CADPS2: variants seen among roughly 807,000 people sequenced by gnomAD.
CADPS2 encodes the protein calcium dependent secretion activator 2.
CADPS2 carries 93 observed loss-of-function variants against 172.5 expected under a neutral mutation model. That is an observed-to-expected ratio of 0.54 (90% CI 0.46 to 0.64). CADPS2 has a LOEUF of 0.64. CADPS2 is among the 30% of genes least tolerant of loss of function. The pLI is 0.00. For missense variants in CADPS2, 1,420 were observed against 1,565.9 expected (o/e 0.91, Z 1.57); for synonymous variants, 546 against 555.2 (o/e 0.98, Z 0.23).
chr7:122,764,382 ACTAT>A (rs761567158), intron 1 of CADPS2, among the ~76,000 whole-genome samples: 6 of 152,182 alleles, frequency 3.9e-5, no homozygotes, highest in South Asian at 2.1e-4. Flanking sequence ...TAGACACATA[ACTAT>A]CTGACAAATA....
chr7:122,838,667 TC>T (rs1809364543), intron 1 of CADPS2, among the ~76,000 whole-genome samples: 1 of 152,104 alleles, frequency 6.6e-6, no homozygotes, highest in South Asian at 2.1e-4. Flanking sequence ...ATGAGTGAAC[TC>T]CCATTCACAA....
intron 6 of CADPS2, among the ~76,000 whole-genome samples, chr7:122,584,971 A>T (rs2069427434): frequency 6.6e-6 from 1 of 151,938 alleles, no homozygotes; most frequent in Admixed American, 6.6e-5. Context: ...CATTATGGGT[A>T]CATTATTGTA....
chr7:122,715,508 C>A (rs953210718), intron 2 of CADPS2, among the ~76,000 whole-genome samples: 1 of 151,990 alleles, frequency 6.6e-6, no homozygotes, highest in Non-Finnish European at 1.5e-5. Flanking sequence ...CTGCCTATGC[C>A]TTAAAAACAT....
chr7:122,724,119 T>C (rs2090821331), intron 2 of CADPS2, among the ~76,000 whole-genome samples: 1 of 152,002 alleles, frequency 6.6e-6, no homozygotes. Flanking sequence ...ATGACACATG[T>C]ATTCATATGT....
intron 2 of CADPS2, among the ~76,000 whole-genome samples, chr7:122,674,266 G>A (rs1172305550): frequency 1.3e-5 from 2 of 152,234 alleles, no homozygotes. Context: ...CCAGCCCAGA[G>A]AGTGGCTCCC....
chr7:122,502,282 A>G (rs2059268014), intron 9 of CADPS2, among the ~76,000 whole-genome samples: 2 of 152,118 alleles, frequency 1.3e-5, no homozygotes, highest in Non-Finnish European at 2.9e-5. Flanking sequence ...CTTAAATTTC[A>G]CTAACTAGGT....
At chr7:122,487,872 T>C (rs1438359548) in intron 11 of CADPS2, among the ~76,000 whole-genome samples, 1 of 152,098 alleles carries the variant, frequency 6.6e-6, no homozygotes, top group African/African-American at 2.4e-5. Flanking sequence ...ATCAGAAGAA[T>C]GAGATTAGAT....
chr7:122,647,636 A>C (rs935892473), intron 3 of CADPS2, among the ~76,000 whole-genome samples: 3 of 152,196 alleles, frequency 2.0e-5, no homozygotes, highest in African/African-American at 7.2e-5. Context: ...AAGATAATTT[A>C]AGATATTTTG....
At chr7:122,611,386 T>C (rs562274729) in intron 6 of CADPS2, among the ~76,000 whole-genome samples, 2 of 152,178 alleles carry the variant, frequency 1.3e-5, no homozygotes, top group South Asian at 2.1e-4. Context: ...ACTGACCTTA[T>C]AGAAACTAAA....
chr7:122,781,074 TAATA>T (rs1041101360), intron 1 of CADPS2, among the ~76,000 whole-genome samples: 2 of 152,330 alleles, frequency 1.3e-5, no homozygotes, highest in African/African-American at 4.8e-5. Context: ...GATTATTAAT[TAATA>T]CTTTCTTACC....
intron 1 of CADPS2, among the ~76,000 whole-genome samples, chr7:122,851,676 A>G (rs1191605901): frequency 1.3e-5 from 2 of 152,170 alleles, no homozygotes; most frequent in East Asian, 3.9e-4. Flanking sequence ...GAGCAAAGGG[A>G]CAACTTATAT....
Position 122,688,835 on chromosome 7 carries a change from C to T in CADPS2, c.454-25266G>A, listed in dbSNP as rs139856083. Among the ~76,000 whole-genome samples, 305 of 152,242 alleles carry T rather than the reference C, an allele frequency of 2.0e-3. 1 individual carries two copies. Among genetic ancestry groups the T allele is most frequent in the African/African-American group, 6.6e-3 (274 of 41,538 alleles). On this transcript the variant is annotated intron_variant, in intron 2 of 29. Transcript: ENST00000449022. ...AGCCTGTCCTTGACAAAAGCACAGCCATGTTCCTTACACTCCACCCCCTCG... is the reference window on the plus strand; with the variant it reads ...AGCCTGTCCTTGACAAAAGCACAGCTATGTTCCTTACACTCCACCCCCTCG...
chr7:122,749,961 T>TAAAAAAAA (rs34910927), intron 1 of CADPS2, among the ~76,000 whole-genome samples: 2 of 133,948 alleles, frequency 1.5e-5, no homozygotes, highest in Non-Finnish European at 1.6e-5. Flanking sequence ...CCTGTGAGGT[T>TAAAAAAAA]AAAAAAAAAA....
intron 28 of CADPS2, among the ~76,000 whole-genome samples, chr7:122,329,005 G>T (rs1302603083): frequency 6.6e-6 from 1 of 152,162 alleles, no homozygotes; most frequent in Non-Finnish European, 1.5e-5. Flanking sequence ...TATTGACAAT[G>T]AAAGAGTGTT....
At chr7:122,605,723 T>C (rs1206461715) in intron 6 of CADPS2, among the ~76,000 whole-genome samples, 1 of 152,092 alleles carries the variant, frequency 6.6e-6, no homozygotes, top group Non-Finnish European at 1.5e-5. Context: ...ACAGTAATGC[T>C]CAAGTGATCC....
intron 4 of CADPS2, among the ~76,000 whole-genome samples, chr7:122,625,072 C>CA (rs2075955463): frequency 6.7e-6 from 1 of 149,854 alleles, no homozygotes; most frequent in Non-Finnish European, 1.5e-5. Flanking sequence ...TTTTTTGAGA[C>CA]AGAGTTTCGC....
intron 3 of CADPS2, among the ~76,000 whole-genome samples, chr7:122,645,272 T>C (rs1405717549): frequency 7.1e-6 from 1 of 141,264 alleles, no homozygotes; most frequent in Non-Finnish European, 1.6e-5. Context: ...TACATGTACA[T>C]ATATACACAC....
chr7:122,554,603 T>C lies in CADPS2; in HGVS notation c.1422A>G (p.Leu474=). Residue 474 remains leucine, a synonymous_variant, in exon 8 of 30, where the codon TTA becomes TTG. Coordinates refer to ENST00000449022, the MANE Select transcript of CADPS2 (RefSeq NM_017954.11). ...VVPKNSQDSD[L]KIKLAVRMDK... is the part of the protein sequence containing the mutation. ...CCATTCGCACTGCCAGTTTGATTTT[T>C]AAGTCAGAATCCTGGCTATTTTTTG... 1 of 1,612,292 alleles carries C rather than the reference T, an allele frequency of 6.2e-7. No homozygotes were observed. The highest frequency in any genetic ancestry group is 1.1e-5 in the South Asian group (1 of 90,944).
At chr7:122,750,264 T>A (rs553552360) in intron 1 of CADPS2, among the ~76,000 whole-genome samples, 6 of 152,242 alleles carry the variant, frequency 3.9e-5, no homozygotes, top group Middle Eastern at 3.4e-3. Flanking sequence ...AGGTAAACAA[T>A]ATGTCATTTT....
Sources: allele counts gnomAD v4.1 joint callset (sites outside exome capture counted in the v4.1 genomes callset), GRCh38; gene constraint gnomAD v4.1.1; transcripts MANE v1.5; gene names NCBI Gene and HGNC (gene_info 2026-07-23, HGNC 2026-07-21).